Variants in SEC16B observed in about 807,000 individuals in gnomAD.
The protein encoded by SEC16B is protein transport protein Sec16B.
Under a neutral mutation model 141.8 loss-of-function variants are expected in SEC16B, and 115 were observed. The ratio of observed to expected loss-of-function variants is 0.81; its 90% CI spans 0.70 to 0.95. The LOEUF (loss-of-function observed/expected upper bound fraction) is 0.95. Among genes scored for constraint, SEC16B ranks in the 40% least tolerant of loss-of-function variants. The pLI is 0.00. For missense variants in SEC16B, 1,291 were observed against 1,312.3 expected, an observed-to-expected ratio of 0.98 and a Z score of 0.25; for synonymous variants, 493 against 492.5, an observed-to-expected ratio of 1.00 and a Z score of -0.01.
intron 18 of SEC16B, among the ~76,000 whole-genome samples, chr1:177,938,062 T>G (rs758056074): frequency 6.6e-6 from 1 of 152,024 alleles, no homozygotes; most frequent in Non-Finnish European, 1.5e-5. Flanking sequence ...GGCCACAAGG[T>G]TTTTTTTCTC....
chr1:177,962,258 G>C (rs1653128385), intron 5 of SEC16B, among the ~76,000 whole-genome samples: 1 of 151,986 alleles, frequency 6.6e-6, no homozygotes, highest in South Asian at 2.1e-4. Flanking sequence ...TTTTAGTAGA[G>C]ATGGGGTTTC....
intron 4 of SEC16B, 66 bp downstream of exon 4, chr1:177,964,981 A>T: frequency 6.3e-7 from 1 of 1,580,344 alleles, no homozygotes; most frequent in Non-Finnish European, 8.6e-7. Flanking sequence ...AGACGCCAGA[A>T]GATTTGCCCG....
chr1:177,940,335 G>C (rs574565428), intron 17 of SEC16B, among the ~76,000 whole-genome samples: 2 of 152,266 alleles, frequency 1.3e-5, no homozygotes, highest in East Asian at 3.9e-4. Context: ...TGGGGCCTCA[G>C]GGAAGGATGG....
Position 177,930,703 on chromosome 1 carries a change from G to A in SEC16B, c.3013-60C>T, listed in dbSNP as rs573256. 9,561 of 1,260,918 alleles carry A rather than the reference G, an allele frequency of 7.6e-3. 56 individuals carry two copies. Among genetic ancestry groups the A allele is most frequent in the Non-Finnish European group, 8.2e-3 (7,129 of 872,846 alleles). 78.1% of individuals were successfully genotyped at this position (1,260,918 alleles called of 1,614,324 possible). The stretch of plus-strand genomic sequence containing the variant: ...CCTGCCTCCCAGATTCCAGAATGTC[G>A]AGGCCTTCAAGAAGCATATCAGGAT... On this transcript the variant is annotated intron_variant, in intron 24 of 25. Coordinates refer to ENST00000308284, the MANE Select transcript of SEC16B (RefSeq NM_033127.4).
chr1:177,949,635 C>A (rs1248142377), intron 12 of SEC16B, among the ~76,000 whole-genome samples: 1 of 152,130 alleles, frequency 6.6e-6, no homozygotes, highest in Non-Finnish European at 1.5e-5. Context: ...TTCACAATAA[C>A]TCTACTGGGC....
chr1:177,960,869 T>C lies in SEC16B; in HGVS notation c.858A>G (p.Pro286=), dbSNP rs1653006448. The C allele has an allele frequency of 1.9e-6, 3 of 1,602,730 alleles. No individual in the cohort carries two copies. In the East Asian group the frequency reaches 6.8e-5, roughly 36 times the overall value. ...GACCTACATGCACCAGCTGACCTCC[T>C]GGCCCGAAACTCACAGGAACATGAG... ...YIPHVPVSFG[P]GGQLVHVGPS... The change falls in exon 7 of 26, where the codon CCA becomes CCG. Residue 286 remains proline, a synonymous_variant. Coordinates refer to ENST00000308284, the MANE Select transcript of SEC16B (RefSeq NM_033127.4).
At chr1:177,933,719 G>A (rs1650627955) in intron 20 of SEC16B, 83 bp from the exon 21 acceptor site, 1 of 1,363,680 alleles carries the variant, frequency 7.3e-7, no homozygotes, top group Non-Finnish European at 1.0e-6. Flanking sequence ...CACCTGACCT[G>A]CTCAGAAGGC....
At position 177,967,701 on chromosome 1, in the gene SEC16B, C is replaced by T. The variant is rs199866985; in HGVS notation, c.281G>A (p.Arg94His). The T allele has an allele frequency of 3.1e-4, 502 of 1,602,762 alleles. 4 individuals carry two copies. In the South Asian group the frequency reaches 3.5e-3, roughly 11 times the overall value. The change falls in exon 2 of 26, where the codon CGC (arginine) becomes CAC (histidine). Residue 94 changes from arginine (R) to histidine (H), a missense_variant. Arg to His is a conservative substitution (Grantham distance 29). Around this residue, in one of 3 missense-constraint regions of SEC16B, gnomAD observed 681 missense variants for 675.5 expected, o/e 1.01. Transcript: ENST00000308284. ...GCCATACCTTGAATACAACTGATTG[C>T]GATAACCACCTTCGTAATAGTCAAC... ...SGVDYYEGGY[R>H]NQLYSRPGYE... is the part of the protein sequence containing the mutation.
At position 177,958,937 on chromosome 1, in the gene SEC16B, T is replaced by C; in HGVS notation, c.1037A>G (p.Gln346Arg). The part of the protein sequence containing the change: ...VHKVDIMTFC[Q>R]QKAAQSCKSE... ...TTTGCAGCTCTGAGCTGCTTTCTGCTGGCAAAACGTCATAATATCCACCTT... is the reference window on the plus strand; with the variant it reads ...TTTGCAGCTCTGAGCTGCTTTCTGCCGGCAAAACGTCATAATATCCACCTT... Residue 346 changes from glutamine to arginine, a missense_variant, in exon 9 of 26, where the codon CAG becomes CGG. Gln to Arg is a conservative substitution (Grantham distance 43). Around this residue, in one of 3 missense-constraint regions of SEC16B, gnomAD observed 681 missense variants for 675.5 expected, o/e 1.01. Coordinates refer to ENST00000308284, the MANE Select transcript of SEC16B (RefSeq NM_033127.4). The C allele has an allele frequency of 1.2e-6, 2 of 1,613,718 alleles. No homozygotes were observed. Among genetic ancestry groups the C allele is most frequent in the Non-Finnish European group, 1.7e-6 (2 of 1,179,782 alleles).
chr1:177,939,664 G>A (rs767358847), intron 18 of SEC16B, 38 bp downstream of exon 18: 101 of 1,429,496 alleles, frequency 7.1e-5, no homozygotes, highest in Non-Finnish European at 9.4e-5. Context: ...GATCCTGAGC[G>A]TCAGCTATGT....
chr1:177,967,879 G>T lies in SEC16B; in HGVS notation c.103C>A (p.Pro35Thr). ...CCATTGTGCCAAGAGTGAGGGACAG[G>T]CCGATGATGTCCATCTCTCCGAAAC... ...RGFRRDGHHR[P>T]VPHSWHNGER... The change falls in exon 2 of 26, where the codon CCT becomes ACT. Residue 35 changes from proline to threonine, a missense_variant. By Grantham distance (38) the Pro-to-Thr change is conservative (BLOSUM62 -1). Around this residue, in one of 3 missense-constraint regions of SEC16B, gnomAD observed 681 missense variants for 675.5 expected, o/e 1.01. Coordinates refer to ENST00000308284, the MANE Select transcript of SEC16B (RefSeq NM_033127.4). The T allele has an allele frequency of 6.2e-7, 1 of 1,613,970 alleles. No homozygotes were observed. Among genetic ancestry groups the T allele is most frequent in the Non-Finnish European group, 8.5e-7 (1 of 1,179,886 alleles).
intron 10 of SEC16B, among the ~76,000 whole-genome samples, chr1:177,957,234 A>G (rs546473730): frequency 1.5e-3 from 224 of 152,320 alleles, no homozygotes; most frequent in African/African-American, 5.1e-3. Flanking sequence ...GGTATAATTT[A>G]TAGTGGTTGA....
At chr1:177,967,020 T>C (rs1432868456) in intron 2 of SEC16B, among the ~76,000 whole-genome samples, 1 of 152,110 alleles carries the variant, frequency 6.6e-6, no homozygotes, top group East Asian at 1.9e-4. Context: ...TTCCATGAAA[T>C]ATTAAGTCCA....
chr1:177,933,383 C>A, intron 21 of SEC16B, 71 bp from the exon 22 acceptor site: 1 of 1,556,388 alleles, frequency 6.4e-7, no homozygotes, highest in Admixed American at 1.9e-5. Flanking sequence ...TAACCCGCCC[C>A]CATGTAACCA....
At position 177,958,221 on chromosome 1, in the gene SEC16B, G is replaced by A; in HGVS notation, c.1276C>T (p.Leu426=). 1 of 1,604,704 alleles carries A rather than the reference G, an allele frequency of 6.2e-7. No homozygotes were observed. Among genetic ancestry groups the A allele is most frequent in the East Asian group, 2.2e-5 (1 of 44,446 alleles). Reference sequence around the variant, plus strand: ...CTGGGGGGGATCTCTCCCGTGAGCAGGTTCGGGGTCCCAGAGCTCAGCACT... The same window carrying A: ...CTGGGGGGGATCTCTCCCGTGAGCAAGTTCGGGGTCCCAGAGCTCAGCACT... ...WPVLSSGTPN[L]LTGEIPPSVE... is the part of the protein sequence containing the mutation. The change falls in exon 10 of 26, where the codon CTG becomes TTG. Residue 426 remains leucine (L), a synonymous_variant. Coordinates refer to ENST00000308284, the MANE Select transcript of SEC16B (RefSeq NM_033127.4).
intron 1 of SEC16B, among the ~76,000 whole-genome samples, chr1:177,975,472 C>G (rs1045857653): frequency 6.6e-6 from 1 of 152,018 alleles, no homozygotes; most frequent in Non-Finnish European, 1.5e-5. Context: ...GGGGGCTGAC[C>G]TAAGTGTGGA....
intron 19 of SEC16B, 93 bp from the exon 20 acceptor site, chr1:177,936,458 T>A: frequency 9.0e-7 from 1 of 1,108,252 alleles, no homozygotes; most frequent in Non-Finnish European, 1.3e-6. Flanking sequence ...TCAGCTTTCT[T>A]AACTGCAGCA....
intron 10 of SEC16B, among the ~76,000 whole-genome samples, chr1:177,956,768 TG>T (rs932175414): frequency 2.0e-5 from 3 of 152,182 alleles, no homozygotes; most frequent in African/African-American, 7.2e-5. Flanking sequence ...GTAATTCAAG[TG>T]CCCATACAAC....
chr1:177,963,532 G>A (rs1453919539), intron 5 of SEC16B, among the ~76,000 whole-genome samples: 2 of 152,118 alleles, frequency 1.3e-5, no homozygotes, highest in Middle Eastern at 3.2e-3. Flanking sequence ...GAACCCAGGA[G>A]GTGAAGGTGG....
Sources: allele counts gnomAD v4.1 joint callset (sites outside exome capture counted in the v4.1 genomes callset), GRCh38; gene constraint gnomAD v4.1.1; regional missense constraint gnomAD v4.1.1; transcripts MANE v1.5; gene names NCBI Gene and HGNC (gene_info 2026-07-23, HGNC 2026-07-21).